KCNK2: variants seen among roughly 807,000 people sequenced by gnomAD.
KCNK2 encodes the protein potassium channel subfamily K member 2.
Under a neutral mutation model 40.5 loss-of-function variants are expected in KCNK2, and 21 were observed. The observed-to-expected ratio is 0.52, with a 90% CI of 0.37 to 0.75. The LOEUF (loss-of-function observed/expected upper bound fraction) is 0.75. KCNK2 is among the 30% of genes least tolerant of loss of function. The probability of loss-of-function intolerance (pLI) is 0.00; values close to 1 mark genes in which losing one functional copy is unlikely to be tolerated. For missense variants in KCNK2, 399 were observed against 531.6 expected (o/e 0.75, Z 2.45); for synonymous variants, 191 against 202.2 (o/e 0.94, Z 0.47).
chr1:215,227,697 T>C (rs1265015040), intron 6 of KCNK2, among the ~76,000 whole-genome samples: 2 of 152,170 alleles, frequency 1.3e-5, no homozygotes, highest in Non-Finnish European at 1.5e-5. Context: ...GTCAGCAAGA[T>C]TGGTTAGCAG....
chr1:215,148,080 C>CTTTTTTTTTTTT (rs756218432), intron 3 of KCNK2, among the ~76,000 whole-genome samples: 1 of 111,180 alleles, frequency 9.0e-6, no homozygotes, highest in Non-Finnish European at 1.7e-5. Flanking sequence ...TTTTCTTTTC[C>CTTTTTTTTTTTT]TTTTTTTTTT....
intron 2 of KCNK2, among the ~76,000 whole-genome samples, chr1:215,089,223 A>G (rs1659590117): frequency 6.6e-6 from 1 of 152,170 alleles, no homozygotes; most frequent in Admixed American, 6.5e-5. Flanking sequence ...AACATTAAGG[A>G]TTAGATAGCA....
intron 6 of KCNK2, among the ~76,000 whole-genome samples, chr1:215,201,458 AAC>A (rs1665077250): frequency 6.6e-6 from 1 of 152,188 alleles, no homozygotes; most frequent in African/African-American, 2.4e-5. Flanking sequence ...TTCAAAGGGC[AAC>A]AGTCACAGTG....
chr1:215,146,597 C>T (rs1250763616), intron 3 of KCNK2, among the ~76,000 whole-genome samples: 1 of 152,118 alleles, frequency 6.6e-6, no homozygotes. Context: ...TACATACTTT[C>T]CCAGTCTGAC....
chr1:215,135,487 T>C (rs1023647429), intron 3 of KCNK2, among the ~76,000 whole-genome samples: 1 of 152,020 alleles, frequency 6.6e-6, no homozygotes, highest in Non-Finnish European at 1.5e-5. Flanking sequence ...TATTATTTTT[T>C]ACATATTTAT....
At chr1:215,022,987 A>G (rs977459738) in intron 1 of KCNK2, among the ~76,000 whole-genome samples, 4 of 152,210 alleles carry the variant, frequency 2.6e-5, no homozygotes, top group African/African-American at 9.7e-5. Context: ...AATTACTAGA[A>G]ATGGAAAGAA....
At chr1:215,082,344 G>C (rs1659192776), upstream of KCNK2, among the ~76,000 whole-genome samples, 1 of 152,160 alleles carries the variant, frequency 6.6e-6, no homozygotes, top group Non-Finnish European at 1.5e-5. Context: ...TCCCTGTACA[G>C]GTCTGGGGGG....
At chr1:215,026,509 C>T (rs1348296705) in intron 1 of KCNK2, among the ~76,000 whole-genome samples, 1 of 151,872 alleles carries the variant, frequency 6.6e-6, no homozygotes, top group Non-Finnish European at 1.5e-5. Context: ...AAACAGGTCA[C>T]CTTTTTTTCT....
At chr1:215,016,509 C>T (rs572001852) in intron 1 of KCNK2, among the ~76,000 whole-genome samples, 2 of 151,974 alleles carry the variant, frequency 1.3e-5, no homozygotes, top group African/African-American at 4.8e-5. Flanking sequence ...AAGGAAAGGG[C>T]CAGTTACTTT....
chr1:215,118,640 A>C (rs1404756557), intron 2 of KCNK2, among the ~76,000 whole-genome samples: 2 of 152,172 alleles, frequency 1.3e-5, no homozygotes, highest in Non-Finnish European at 2.9e-5. Context: ...GAGCTGTGTT[A>C]CTGTATATAT....
intron 6 of KCNK2, among the ~76,000 whole-genome samples, chr1:215,201,407 T>C (rs1291914616): frequency 6.6e-6 from 1 of 152,130 alleles, no homozygotes; most frequent in African/African-American, 2.4e-5. Flanking sequence ...TGCAATACAG[T>C]AGCTATATCT....
intron 6 of KCNK2, among the ~76,000 whole-genome samples, chr1:215,206,110 T>TA (rs1665305796): frequency 1.3e-5 from 2 of 152,282 alleles, no homozygotes; most frequent in Admixed American, 1.3e-4. Context: ...CCAGATCCTG[T>TA]AAAAAGGCAG....
At chr1:215,033,149 G>A (rs1019307291) in intron 1 of KCNK2, among the ~76,000 whole-genome samples, 1 of 149,238 alleles carries the variant, frequency 6.7e-6, no homozygotes, top group African/African-American at 2.5e-5. Flanking sequence ...TAATGAACCC[G>A]TCAAGGCATT....
At chr1:215,032,363 A>C (rs891372918) in intron 1 of KCNK2, among the ~76,000 whole-genome samples, 6 of 152,268 alleles carry the variant, frequency 3.9e-5, no homozygotes, top group Admixed American at 3.9e-4. Flanking sequence ...AGCTGTGATC[A>C]TGCCACTGTA....
chr1:215,049,852 C>T (rs1024884951), intron 1 of KCNK2, among the ~76,000 whole-genome samples: 2 of 152,078 alleles, frequency 1.3e-5, no homozygotes, highest in Admixed American at 1.3e-4. Flanking sequence ...ATTATGTTCT[C>T]AGAATCTATG....
Position 215,060,547 on chromosome 1 carries a change from C to T in KCNK2, c.35-25821C>T, listed in dbSNP as rs192579599. Among the ~76,000 whole-genome samples, 91 of 152,238 alleles carry T rather than the reference C, an allele frequency of 6.0e-4. 1 individual carries two copies. Among genetic ancestry groups the T allele is most frequent in the Middle Eastern group, 3.4e-3 (1 of 294 alleles). On this transcript the variant is annotated intron_variant, in intron 1 of 6. Transcript: ENST00000391895. ...ATATACTTTAAAACTTAATTGGATC[C>T]GGTTTCCTTTTAAGAAACGTTCATG...
chr1:215,056,308 C>CAAAA (rs71167804), intron 1 of KCNK2, among the ~76,000 whole-genome samples: 2 of 121,538 alleles, frequency 1.6e-5, no homozygotes, highest in Non-Finnish European at 3.3e-5. Flanking sequence ...AACTCCATCT[C>CAAAA]AAAAAAAAAA....
chr1:215,133,375 T>C (rs1319114816), intron 3 of KCNK2, among the ~76,000 whole-genome samples: 1 of 152,170 alleles, frequency 6.6e-6, no homozygotes, highest in African/African-American at 2.4e-5. Flanking sequence ...TTCTTGTCAT[T>C]CCCCCTTCCT....
intron 3 of KCNK2, among the ~76,000 whole-genome samples, chr1:215,150,894 T>C (rs1473933602): frequency 6.6e-6 from 1 of 152,016 alleles, no homozygotes; most frequent in Admixed American, 6.6e-5. Context: ...TTCAGAGTAA[T>C]GATAAAAATA....
Sources: gnomAD v4.1 joint callset for allele counts (sites outside exome capture counted in the v4.1 genomes callset) on GRCh38, gnomAD v4.1.1 for gene constraint, MANE v1.5 for transcripts, NCBI Gene and HGNC (gene_info 2026-07-23, HGNC 2026-07-21) for gene names.